Variants in SH3BGRL2 observed in about 807,000 individuals in gnomAD.
The protein encoded by SH3BGRL2 is SH3 domain binding glutamate rich protein like 2.
A neutral mutation model predicts 14.8 loss-of-function variants in SH3BGRL2; 21 were observed. That is an observed-to-expected ratio of 1.42 (90% CI 1.01 to 2.05). SH3BGRL2 has a LOEUF of 2.05. Among genes scored for constraint, SH3BGRL2 ranks in the 30% most tolerant of loss-of-function variants. The pLI, the probability that SH3BGRL2 is intolerant of heterozygous loss-of-function variation, is 0.00. For synonymous variants in SH3BGRL2, 50 were observed against 47.8 expected (o/e 1.05, Z -0.19); for missense variants, 147 against 130.8 (o/e 1.12, Z -0.61).
At chr6:79,620,337 C>T in the SH3BGRL2 span, among the ~76,000 whole-genome samples, 1 of 150,818 alleles carries the variant, frequency 6.6e-6, no homozygotes, top group South Asian at 2.1e-4. Context: ...TGATTTCCTT[C>T]CGACCTTTAT....
At chr6:79,597,449 G>A in the SH3BGRL2 span, among the ~76,000 whole-genome samples, 1 of 152,036 alleles carries the variant, frequency 6.6e-6, no homozygotes, top group Admixed American at 6.6e-5. Flanking sequence ...AGAATTGAGA[G>A]TCCAGAAATA....
intron 1 of SH3BGRL2, among the ~76,000 whole-genome samples, chr6:79,668,349 G>A (rs796679606): frequency 2.0e-5 from 3 of 152,160 alleles, no homozygotes; most frequent in Non-Finnish European, 4.4e-5. Context: ...GAGGTTGCCA[G>A]TGAAGGTTCC....
At chr6:79,686,223 A>G (rs1770086954) in intron 2 of SH3BGRL2, among the ~76,000 whole-genome samples, 1 of 152,184 alleles carries the variant, frequency 6.6e-6, no homozygotes, top group Admixed American at 6.5e-5. Context: ...GTGCCTTTAA[A>G]AAACATTCTG....
At chr6:79,599,082 A>C in the SH3BGRL2 span, among the ~76,000 whole-genome samples, 1 of 48,178 alleles carries the variant, frequency 2.1e-5, no homozygotes, top group Admixed American at 2.1e-4. Flanking sequence ...ACTCTGTCTC[A>C]AAAAAAAAAA....
chr6:79,579,787 T>A, the SH3BGRL2 span, among the ~76,000 whole-genome samples: 19 of 152,078 alleles, frequency 1.2e-4, no homozygotes, highest in African/African-American at 4.3e-4. Context: ...GGGATCAAAT[T>A]CACACAAAAC....
At chr6:79,611,466 G>A in the SH3BGRL2 span, among the ~76,000 whole-genome samples, 2 of 149,174 alleles carry the variant, frequency 1.3e-5, no homozygotes, top group South Asian at 2.1e-4. Context: ...GAGTGCAATG[G>A]CGCAATCTCA....
At chr6:79,689,937 T>C (rs1164224388) in intron 2 of SH3BGRL2, among the ~76,000 whole-genome samples, 1 of 152,194 alleles carries the variant, frequency 6.6e-6, no homozygotes, top group Admixed American at 6.5e-5. Context: ...TTACATTTCA[T>C]TAACTTTTCA....
intron 1 of SH3BGRL2, among the ~76,000 whole-genome samples, chr6:79,657,946 A>G (rs1462541703): frequency 6.6e-6 from 1 of 152,194 alleles, no homozygotes; most frequent in African/African-American, 2.4e-5. Context: ...GTTGGAAAAT[A>G]TGTACAGATA....
intron 2 of SH3BGRL2, among the ~76,000 whole-genome samples, chr6:79,679,053 C>T: frequency 6.6e-6 from 1 of 152,078 alleles, no homozygotes; most frequent in South Asian, 2.1e-4. Flanking sequence ...CATGTCTTTG[C>T]TATTGTGCAT....
At chr6:79,626,108 T>C in the SH3BGRL2 span, among the ~76,000 whole-genome samples, 1 of 152,188 alleles carries the variant, frequency 6.6e-6, no homozygotes, top group African/African-American at 2.4e-5. Context: ...ATCAGTCAGA[T>C]TCAATTCCAT....
At chr6:79,547,509 G>A in the SH3BGRL2 span, among the ~76,000 whole-genome samples, 4 of 152,082 alleles carry the variant, frequency 2.6e-5, no homozygotes, top group Non-Finnish European at 4.4e-5. Flanking sequence ...CTGGAGTGAG[G>A]CCCGTGTTGC....
At chr6:79,581,814 G>T in the SH3BGRL2 span, among the ~76,000 whole-genome samples, 1 of 152,136 alleles carries the variant, frequency 6.6e-6, no homozygotes, top group Admixed American at 6.6e-5. Flanking sequence ...GAAATAAAGG[G>T]TATTCAATTA....
At chr6:79,553,510 C>T in the SH3BGRL2 span, among the ~76,000 whole-genome samples, 2 of 152,164 alleles carry the variant, frequency 1.3e-5, no homozygotes, top group Non-Finnish European at 2.9e-5. Flanking sequence ...TTTTTTACCA[C>T]TTGCATGAAC....
intron 1 of SH3BGRL2, among the ~76,000 whole-genome samples, chr6:79,663,452 G>C (rs954045459): frequency 6.6e-6 from 1 of 152,172 alleles, no homozygotes; most frequent in Non-Finnish European, 1.5e-5. Context: ...CTCCAGACCT[G>C]TTTGCCTGGG....
the SH3BGRL2 span, among the ~76,000 whole-genome samples, chr6:79,603,799 C>CTTTTCTT: frequency 6.6e-6 from 1 of 152,038 alleles, no homozygotes; most frequent in Non-Finnish European, 1.5e-5. Flanking sequence ...CCCCAGACCA[C>CTTTTCTT]TTTTCTTTTT....
At chr6:79,540,157 G>A in the SH3BGRL2 span, among the ~76,000 whole-genome samples, 1 of 152,054 alleles carries the variant, frequency 6.6e-6, no homozygotes, top group Non-Finnish European at 1.5e-5. Context: ...ATAATTGGCC[G>A]GGTGCTGTGG....
At chr6:79,543,652 A>G in the SH3BGRL2 span, among the ~76,000 whole-genome samples, 3 of 152,204 alleles carry the variant, frequency 2.0e-5, no homozygotes, top group South Asian at 2.1e-4. Context: ...AAAATCTTAT[A>G]TGGAAACCCC....
the SH3BGRL2 span, among the ~76,000 whole-genome samples, chr6:79,614,189 T>C: frequency 6.6e-5 from 10 of 152,156 alleles, no homozygotes; most frequent in African/African-American, 2.2e-4. Flanking sequence ...TTAGCTTATG[T>C]TTTTTTCCAA....
At position 79,631,482 on chromosome 6, in the gene SH3BGRL2, C is replaced by A; in HGVS notation, c.21C>A (p.Ile7=). 1 of 1,501,530 alleles carries A rather than the reference C, an allele frequency of 6.7e-7. No homozygotes were observed. Among genetic ancestry groups the A allele is most frequent in the Non-Finnish European group, 8.9e-7 (1 of 1,122,756 alleles). 93.0% of individuals were successfully genotyped at this position (1,501,530 alleles called of 1,614,324 possible). A position where few individuals can be genotyped will look rare whatever the true frequency, so the allele number is the denominator to read the frequency against. MVIRVF[I]ASSSGFVAIK... ...AGAGGATGGTCATCCGCGTGTTCAT[C>A]GCCTCTTCCTCGGGCTTCGTGGCGG... Residue 7 remains isoleucine (I), a synonymous_variant, in exon 1 of 4, where the codon ATC becomes ATA. Coordinates refer to ENST00000369838, the MANE Select transcript of SH3BGRL2 (RefSeq NM_031469.4).
Sources: allele counts gnomAD v4.1 joint callset (sites outside exome capture counted in the v4.1 genomes callset), GRCh38; gene constraint gnomAD v4.1.1; transcripts MANE v1.5; gene names NCBI Gene and HGNC (gene_info 2026-07-23, HGNC 2026-07-21).